Variants in ATP8A2 observed in about 807,000 individuals in gnomAD.
ATP8A2 encodes phospholipid-transporting ATPase IB.
In ATP8A2, 100 loss-of-function variants were observed where a neutral mutation model predicts 165.6. That is an observed-to-expected ratio of 0.60 (90% CI 0.51 to 0.71). The LOEUF (loss-of-function observed/expected upper bound fraction) is 0.71, where lower values mean the gene tolerates loss of function less well. ATP8A2 is among the 30% of genes least tolerant of loss of function. The pLI, the probability that ATP8A2 is intolerant of heterozygous loss-of-function variation, is 0.00. For synonymous variants in ATP8A2, 543 were observed against 548.8 expected, an observed-to-expected ratio of 0.99 and a Z score of 0.15; for missense variants, 1,227 against 1,479.5, an observed-to-expected ratio of 0.83 and a Z score of 2.80.
intron 26 of ATP8A2, among the ~76,000 whole-genome samples, chr13:25,771,543 G>A (rs1377329387): frequency 2.0e-4 from 31 of 152,176 alleles, no homozygotes; most frequent in Non-Finnish European, 5.9e-5. Flanking sequence ...GAACTGCATA[G>A]GAATAGGATG....
chr13:25,629,907 T>C (rs2041196001), intron 24 of ATP8A2, among the ~76,000 whole-genome samples: 1 of 152,136 alleles, frequency 6.6e-6, no homozygotes, highest in South Asian at 2.1e-4. Flanking sequence ...AATATTGCAG[T>C]TCATATGGCA....
intron 24 of ATP8A2, among the ~76,000 whole-genome samples, chr13:25,617,774 C>T (rs566226795): frequency 4.6e-5 from 7 of 152,198 alleles, no homozygotes; most frequent in African/African-American, 9.6e-5. Flanking sequence ...GAAAAATTCA[C>T]GCAGTTCTGG....
At chr13:25,723,418 A>T (rs2043426641) in intron 25 of ATP8A2, among the ~76,000 whole-genome samples, 1 of 152,120 alleles carries the variant, frequency 6.6e-6, no homozygotes, top group African/African-American at 2.4e-5. Flanking sequence ...GACATTCCTT[A>T]TCTTTAGCAA....
chr13:25,879,587 G>A (rs996160453), intron 33 of ATP8A2, among the ~76,000 whole-genome samples: 3 of 152,188 alleles, frequency 2.0e-5, no homozygotes, highest in African/African-American at 4.8e-5. Flanking sequence ...CTCTGCTGGC[G>A]ATGGATTCTG....
At chr13:25,605,884 G>T (rs539689826) in intron 24 of ATP8A2, among the ~76,000 whole-genome samples, 3 of 152,172 alleles carry the variant, frequency 2.0e-5, no homozygotes, top group Admixed American at 1.3e-4. Flanking sequence ...TTCCTAGAAG[G>T]CTCCTAGGTC....
chr13:25,824,709 A>G (rs1431756692), intron 27 of ATP8A2, among the ~76,000 whole-genome samples: 1 of 151,540 alleles, frequency 6.6e-6, no homozygotes, highest in African/African-American at 2.4e-5. Flanking sequence ...ATGATTCTGC[A>G]TTTTTTTTCT....
chr13:25,556,926 G>C (rs934698105), intron 13 of ATP8A2, among the ~76,000 whole-genome samples: 1 of 152,148 alleles, frequency 6.6e-6, no homozygotes, highest in African/African-American at 2.4e-5. Flanking sequence ...AAATGCAGGC[G>C]ACATGGCTCA....
At chr13:25,711,021 C>G (rs1307407679) in intron 25 of ATP8A2, among the ~76,000 whole-genome samples, 2 of 151,692 alleles carry the variant, frequency 1.3e-5, no homozygotes, top group African/African-American at 4.8e-5. Context: ...TTTTTGTTTT[C>G]TGAGTCAGAG....
chr13:25,621,213 G>A (rs1203353666), intron 24 of ATP8A2, among the ~76,000 whole-genome samples: 1 of 152,158 alleles, frequency 6.6e-6, no homozygotes, highest in South Asian at 2.1e-4. Flanking sequence ...TGTTTACTTA[G>A]TAACTAGGAA....
chr13:25,479,153 T>A lies in ATP8A2; in HGVS notation c.221+10032T>A, dbSNP rs186100164. 2.0e-4 allele frequency among the ~76,000 whole-genome samples: 31 copies of A among 152,276 alleles called. No homozygotes were observed. In the East Asian group the frequency reaches 5.8e-3, roughly 28 times the overall value. On this transcript the variant is annotated intron_variant, in intron 2 of 36. Transcript: ENST00000381655. ...GAGCCACCACACCCAGCCCATAAAATTCTTTAGCATGAACCTTTGATATGT... is the reference window on the plus strand; with the variant it reads ...GAGCCACCACACCCAGCCCATAAAAATCTTTAGCATGAACCTTTGATATGT...
Position 25,985,927 on chromosome 13 carries a change from G to A in ATP8A2, c.3377+17248G>A, listed in dbSNP as rs1956273366. Among the ~76,000 whole-genome samples, 3 of 152,340 alleles carry A rather than the reference G, an allele frequency of 2.0e-5. No homozygotes were observed. In the South Asian group the frequency reaches 6.2e-4, roughly 32 times the overall value. On this transcript the variant is annotated intron_variant, in intron 35 of 36. Coordinates refer to ENST00000381655, the MANE Select transcript of ATP8A2 (RefSeq NM_016529.6). ...TTCAGCAGTGAGGGAAGAAATGGAT[G>A]TTGGAGAGAATATTCACATGTCTCC...
At chr13:25,760,237 T>C (rs888816108) in intron 25 of ATP8A2, among the ~76,000 whole-genome samples, 6 of 152,204 alleles carry the variant, frequency 3.9e-5, no homozygotes, top group Non-Finnish European at 8.8e-5. Context: ...AACTCCTGTT[T>C]CAAAGAAGAC....
chr13:25,937,362 C>CTTTCTTTCTTTCTTTTTTTTTTTTTT, intron 33 of ATP8A2, among the ~76,000 whole-genome samples: 11 of 38,796 alleles, frequency 2.8e-4, no homozygotes, highest in African/African-American at 7.5e-4. Context: ...TTCTTTCTTT[C>CTTTCTTTCTTTCTTTTTTTTTTTTTT]TTTTTTTTTT....
intron 30 of ATP8A2, among the ~76,000 whole-genome samples, chr13:25,855,130 A>T (rs1476871293): frequency 1.3e-5 from 2 of 152,108 alleles, no homozygotes; most frequent in Non-Finnish European, 2.9e-5. Context: ...GCATGCCTGT[A>T]ATCCCAGCTA....
intron 2 of ATP8A2, among the ~76,000 whole-genome samples, chr13:25,527,357 C>T (rs1275071014): frequency 5.3e-5 from 8 of 152,044 alleles, no homozygotes; most frequent in Non-Finnish European, 1.2e-4. Context: ...AATCTCAGGC[C>T]CACCCCAGAC....
At chr13:26,012,245 C>T (rs1956864982) in intron 35 of ATP8A2, among the ~76,000 whole-genome samples, 1 of 152,144 alleles carries the variant, frequency 6.6e-6, no homozygotes, top group African/African-American at 2.4e-5. Flanking sequence ...GAGAAGTGTC[C>T]TGAAAAGCCC....
chr13:25,413,045 T>G lies in ATP8A2; in HGVS notation c.76+40757T>G, dbSNP rs537832525. Among the ~76,000 whole-genome samples the G allele has an allele frequency of 5.9e-5, 9 of 152,214 alleles. No homozygotes were observed. The South Asian group carries it at 1.9e-3, about 32-fold the overall frequency. ...GTTGGCCAGGCTGGTCTTGAACTTC[T>G]TACCTCAAGTGATCCACCCACCTCG... On this transcript the variant is annotated intron_variant, in intron 1 of 36. Coordinates refer to ENST00000381655, the MANE Select transcript of ATP8A2 (RefSeq NM_016529.6).
At chr13:25,998,772 C>T (rs1956571137) in intron 35 of ATP8A2, among the ~76,000 whole-genome samples, 1 of 152,122 alleles carries the variant, frequency 6.6e-6, no homozygotes, top group African/African-American at 2.4e-5. Context: ...GTTAGTTAAC[C>T]TTGAACCCTA....
intron 25 of ATP8A2, among the ~76,000 whole-genome samples, chr13:25,741,443 T>C (rs1246652267): frequency 2.0e-5 from 3 of 152,186 alleles, no homozygotes; most frequent in African/African-American, 4.8e-5. Context: ...TGCAATGGCA[T>C]GATTATGGCT....
Sources: gnomAD v4.1 joint callset for allele counts (sites outside exome capture counted in the v4.1 genomes callset) on GRCh38, gnomAD v4.1.1 for gene constraint, MANE v1.5 for transcripts, NCBI Gene and HGNC (gene_info 2026-07-23, HGNC 2026-07-21) for gene names.